The following CEP170 variants were observed in gnomAD, a reference collection of about 807,000 sequenced individuals.
CEP170 encodes the protein centrosomal protein of 170 kDa.
Under a neutral mutation model 151.9 loss-of-function variants are expected in CEP170, and 21 were observed. The observed-to-expected ratio is 0.14, with a 90% CI of 0.10 to 0.20. The LOEUF (loss-of-function observed/expected upper bound fraction) is 0.20, where lower values mean the gene tolerates loss of function less well. Among genes scored for constraint, CEP170 ranks in the 10% least tolerant of loss-of-function variants. The pLI, the probability that CEP170 is intolerant of heterozygous loss-of-function variation, is 1.00. For synonymous variants in CEP170, 356 were observed against 648.8 expected, an observed-to-expected ratio of 0.55 and a Z score of 6.86; for missense variants, 964 against 1,892.9, an observed-to-expected ratio of 0.51 and a Z score of 9.11.
At chr1:243,131,207 G>C (rs1334645030) in intron 17 of CEP170, among the ~76,000 whole-genome samples, 2 of 152,120 alleles carry the variant, frequency 1.3e-5, no homozygotes, top group African/African-American at 4.8e-5. Context: ...AATACAGTTT[G>C]TTGGCCAGGC....
chr1:243,180,419 G>A (rs2059546133), intron 10 of CEP170, among the ~76,000 whole-genome samples: 1 of 152,118 alleles, frequency 6.6e-6, no homozygotes, highest in South Asian at 2.1e-4. Context: ...ACTAATCAGA[G>A]AAACCAAAAG....
At chr1:243,242,878 T>A (rs2064997438) in intron 1 of CEP170, among the ~76,000 whole-genome samples, 1 of 152,134 alleles carries the variant, frequency 6.6e-6, no homozygotes, top group African/African-American at 2.4e-5. Context: ...TTTTGTATTT[T>A]TAGTAGAGAC....
At chr1:243,151,186 C>T (rs542884314) in intron 14 of CEP170, among the ~76,000 whole-genome samples, 2 of 152,232 alleles carry the variant, frequency 1.3e-5, no homozygotes, top group Admixed American at 6.5e-5. Context: ...GCTTTTTTCA[C>T]AGGGCTATCC....
chr1:243,203,957 C>T (rs987703459), intron 4 of CEP170, among the ~76,000 whole-genome samples: 3 of 152,024 alleles, frequency 2.0e-5, no homozygotes, highest in Non-Finnish European at 4.4e-5. Context: ...AAAAAGGTAT[C>T]ATTTTATTTT....
rs1011312766 is a variant in CEP170, at chr1:243,226,082, T to C, written c.-41-761A>G. On this transcript the variant is annotated intron_variant, in intron 1 of 19. Coordinates refer to ENST00000366542, the MANE Select transcript of CEP170 (RefSeq NM_014812.3). ...AGATATATATATCTATATCTAGATA[T>C]AAATATATCTATATATATACACGTA... is the stretch of plus-strand genomic sequence containing the variant. Among the ~76,000 whole-genome samples, 13 of 145,028 alleles carry C rather than the reference T, an allele frequency of 9.0e-5. No individual in the cohort carries two copies. The South Asian group carries it at 2.8e-3, about 31-fold the overall frequency.
At chr1:243,194,526 T>C (rs1264030521) in intron 7 of CEP170, among the ~76,000 whole-genome samples, 2 of 151,882 alleles carry the variant, frequency 1.3e-5, no homozygotes, top group Non-Finnish European at 2.9e-5. Context: ...AAAAAAACTA[T>C]CAACTGTAAA....
chr1:243,210,532 G>C (rs549259537), intron 4 of CEP170, among the ~76,000 whole-genome samples: 2 of 148,118 alleles, frequency 1.4e-5, no homozygotes, highest in Admixed American at 6.7e-5. Flanking sequence ...CTCTGCAAGT[G>C]TGAACATTAT....
chr1:243,155,980 G>A (rs1028717729), intron 14 of CEP170, among the ~76,000 whole-genome samples: 6 of 151,916 alleles, frequency 3.9e-5, no homozygotes, highest in African/African-American at 7.3e-5. Context: ...TAAAAAGGGA[G>A]GGGGGGAGAC....
At chr1:243,211,042 C>T (rs2061756659) in intron 4 of CEP170, among the ~76,000 whole-genome samples, 1 of 150,638 alleles carries the variant, frequency 6.6e-6, no homozygotes, top group South Asian at 2.1e-4. Flanking sequence ...ATCCAAATTG[C>T]TATGCTTAAT....
chr1:243,177,569 A>G (rs2059335571), intron 10 of CEP170, among the ~76,000 whole-genome samples: 1 of 152,208 alleles, frequency 6.6e-6, no homozygotes, highest in Non-Finnish European at 1.5e-5. Flanking sequence ...TGTTGGATCA[A>G]ATCAATAGTA....
At chr1:243,222,119 T>C (rs956745415) in intron 2 of CEP170, among the ~76,000 whole-genome samples, 1 of 152,224 alleles carries the variant, frequency 6.6e-6, no homozygotes, top group Non-Finnish European at 1.5e-5. Flanking sequence ...AAAACTGTTA[T>C]AGAGAAATCA....
intron 16 of CEP170, 25 bp downstream of exon 16, chr1:243,139,912 A>C (rs746388231): frequency 6.2e-7 from 1 of 1,604,356 alleles, no homozygotes; most frequent in Non-Finnish European, 8.5e-7. Flanking sequence ...CTTCTGCCAC[A>C]TGTTAAAATT....
In CEP170 at chr1:243,125,054, G is replaced by A. The variant is rs557676285; in HGVS notation, c.*1395C>T. ...GTTTCTTAAAACAAATATAGCACAGGATTATTGTGGAAATATTAAAGACCA... is the reference window on the plus strand; with the variant it reads ...GTTTCTTAAAACAAATATAGCACAGAATTATTGTGGAAATATTAAAGACCA... On this transcript the variant is annotated 3_prime_UTR_variant, in exon 20 of 20. Transcript: ENST00000366542. 1.3e-5 allele frequency: 2 copies of A among 152,112 alleles called. No homozygotes were observed. The highest frequency in any genetic ancestry group is 3.9e-4 in the East Asian group (2 of 5,184). The allele number at this position is 152,112 out of a possible 1,614,324, so 9.4% of individuals were successfully genotyped here.
At chr1:243,190,184 A>T (rs1365577633) in intron 8 of CEP170, among the ~76,000 whole-genome samples, 1 of 152,200 alleles carries the variant, frequency 6.6e-6, no homozygotes, top group Non-Finnish European at 1.5e-5. Context: ...AACTCCTAAT[A>T]TAGTAACAGA....
chr1:243,217,265 G>C (rs2062383068), intron 3 of CEP170, among the ~76,000 whole-genome samples: 1 of 152,114 alleles, frequency 6.6e-6, no homozygotes, highest in African/African-American at 2.4e-5. Context: ...AAGAATGAAA[G>C]AAAATGTTAA....
chr1:243,190,939 T>C lies in CEP170; in HGVS notation c.1108+79A>G, dbSNP rs1403789897. The C allele has an allele frequency of 5.5e-6, 8 of 1,447,702 alleles. No homozygotes were observed. In the East Asian group the frequency reaches 7.5e-5, roughly 13 times the overall value. The allele number at this position is 1,447,702 out of a possible 1,614,324, so 89.7% of individuals were successfully genotyped here. A position where few individuals can be genotyped will look rare whatever the true frequency, so the allele number is the denominator to read the frequency against. On this transcript the variant is annotated intron_variant, in intron 8 of 19. Transcript: ENST00000366542. The stretch of plus-strand genomic sequence containing the variant: ...CAGAATGTTTTCTACCATGTAAGTA[T>C]CTACTAGTAGTCTAGTAAATGAAGA...
intron 1 of CEP170, among the ~76,000 whole-genome samples, chr1:243,251,615 T>C (rs918887916): frequency 1.4e-4 from 22 of 152,188 alleles, no homozygotes; most frequent in African/African-American, 4.8e-4. Context: ...AACGATTCAA[T>C]AAATATTGTG....
At chr1:243,207,121 A>G (rs2061476404) in intron 4 of CEP170, among the ~76,000 whole-genome samples, 1 of 152,196 alleles carries the variant, frequency 6.6e-6, no homozygotes, top group Non-Finnish European at 1.5e-5. Flanking sequence ...TCACCAAATA[A>G]AAGTAAAAAT....
intron 1 of CEP170, among the ~76,000 whole-genome samples, chr1:243,226,664 ATTAAT>A (rs1181838027): frequency 2.6e-5 from 4 of 152,198 alleles, no homozygotes; most frequent in African/African-American, 7.2e-5. Flanking sequence ...CTGAAACCAT[ATTAAT>A]GAACTTTTCA....
Sources: allele counts gnomAD v4.1 joint callset (sites outside exome capture counted in the v4.1 genomes callset), GRCh38; gene constraint gnomAD v4.1.1; transcripts MANE v1.5; gene names NCBI Gene and HGNC (gene_info 2026-07-23, HGNC 2026-07-21).